The following AUTS2 variants were observed in gnomAD, a reference collection of about 807,000 sequenced individuals.
The protein encoded by AUTS2 is activator of transcription and developmental regulator AUTS2.
In AUTS2, 17 loss-of-function variants were observed where a neutral mutation model predicts 112.4. That is an observed-to-expected ratio of 0.15 (90% CI 0.10 to 0.23). The LOEUF (loss-of-function observed/expected upper bound fraction) is 0.23, where lower values mean the gene tolerates loss of function less well. Among genes scored for constraint, AUTS2 ranks in the 10% least tolerant of loss-of-function variants. The pLI, the probability that AUTS2 is intolerant of heterozygous loss-of-function variation, is 1.00. For synonymous variants in AUTS2, 751 were observed against 702.7 expected (o/e 1.07, Z -1.09); for missense variants, 1,510 against 1,701.6 (o/e 0.89, Z 1.98).
chr7:70,619,646 G>A (rs968535402), intron 5 of AUTS2, among the ~76,000 whole-genome samples: 6 of 151,578 alleles, frequency 4.0e-5, no homozygotes, highest in East Asian at 1.9e-4. Context: ...AGGTGTTGTC[G>A]GGCTGCCATT....
chr7:70,495,993 T>C (rs370163615), intron 5 of AUTS2, among the ~76,000 whole-genome samples: 84 of 39,560 alleles, frequency 2.1e-3, no homozygotes, highest in East Asian at 6.0e-3. Context: ...ACACCACTCA[T>C]ACCACATACA....
At chr7:69,950,512 G>T (rs771787821) in intron 2 of AUTS2, among the ~76,000 whole-genome samples, 2 of 152,150 alleles carry the variant, frequency 1.3e-5, no homozygotes, top group Non-Finnish European at 2.9e-5. Context: ...GGGAGACAGT[G>T]TGTTAAGTTA....
chr7:70,257,570 G>A (rs985134353), intron 4 of AUTS2, among the ~76,000 whole-genome samples: 8 of 151,510 alleles, frequency 5.3e-5, no homozygotes, highest in Middle Eastern at 3.2e-3. Flanking sequence ...CGACCGCCTC[G>A]ACCTGCCAAA....
At chr7:70,649,285 A>G (rs1489365597) in intron 5 of AUTS2, among the ~76,000 whole-genome samples, 1 of 151,738 alleles carries the variant, frequency 6.6e-6, no homozygotes, top group Non-Finnish European at 1.5e-5. Context: ...CTGTGGTCTC[A>G]GCTACTTGGG....
chr7:70,554,069 CTTT>C (rs35888704), intron 5 of AUTS2, among the ~76,000 whole-genome samples: 2 of 98,144 alleles, frequency 2.0e-5, no homozygotes, highest in African/African-American at 3.9e-5. Context: ...TGCACCTGGC[CTTT>C]TTTTTTTTTT....
chr7:70,237,428 T>C (rs1207351862), intron 4 of AUTS2, among the ~76,000 whole-genome samples: 3 of 152,226 alleles, frequency 2.0e-5, no homozygotes, highest in African/African-American at 7.2e-5. Flanking sequence ...TGAGCAATTC[T>C]AGAAACTGAC....
chr7:70,149,118 T>G (rs1235630165), intron 4 of AUTS2, among the ~76,000 whole-genome samples: 2 of 138,844 alleles, frequency 1.4e-5, no homozygotes, highest in Non-Finnish European at 3.2e-5. Context: ...ATTTCTAAGA[T>G]GTTATTACCA....
At position 70,410,398 on chromosome 7, in the gene AUTS2, TTTTATTTATTTATTTA is replaced by T. The variant is rs10631565; in HGVS notation, c.661-25322_661-25307del. 3.2e-3 allele frequency among the ~76,000 whole-genome samples: 449 copies of T among 140,824 alleles called. 5 individuals carry two copies. Among genetic ancestry groups the T allele is most frequent in the African/African-American group, 0.01 (393 of 38,172 alleles). The allele number at this position is 140,824 out of a possible 152,430, so 92.4% of individuals were successfully genotyped here. A position where few individuals can be genotyped will look rare whatever the true frequency, so the allele number is the denominator to read the frequency against. On this transcript the variant is annotated intron_variant, in intron 4 of 18. Transcript: ENST00000342771. ...AGGCTCTGTCTTAGGAGGGTTTGTC[TTTTATTTATTTATTTA>T]TTTATTTATTTATTTATTTATTTAT...
chr7:70,219,573 CTT>C (rs1342047199), intron 4 of AUTS2, among the ~76,000 whole-genome samples: 28 of 137,784 alleles, frequency 2.0e-4, no homozygotes, highest in East Asian at 2.1e-4. Context: ...TTTTCTTTTC[CTT>C]TTTTTTTTTT....
At chr7:70,481,967 A>G (rs987158465) in intron 5 of AUTS2, among the ~76,000 whole-genome samples, 1 of 152,224 alleles carries the variant, frequency 6.6e-6, no homozygotes, top group Non-Finnish European at 1.5e-5. Flanking sequence ...AATAAAATTT[A>G]CAGCTTGATG....
chr7:69,653,157 A>AT (rs1795369831), intron 1 of AUTS2, among the ~76,000 whole-genome samples: 1 of 152,124 alleles, frequency 6.6e-6, no homozygotes, highest in South Asian at 2.1e-4. Flanking sequence ...TTCCTTCTTC[A>AT]TGTGGGCTTG....
Position 69,638,863 on chromosome 7 carries a change from A to G in AUTS2, c.309+38901A>G, listed in dbSNP as rs576502601. On this transcript the variant is annotated intron_variant, in intron 1 of 18. Transcript: ENST00000342771. ...AGGCCCAGGTGCTACCTATCTGCCC[A>G]CTTGTTCTTTGATTGACAGTGGGGC... 7.2e-5 allele frequency among the ~76,000 whole-genome samples: 11 copies of G among 152,346 alleles called. No individual in the cohort carries two copies. The East Asian group carries it at 1.7e-3, about 24-fold the overall frequency.
intron 1 of AUTS2, among the ~76,000 whole-genome samples, chr7:69,642,479 T>A (rs751758526): frequency 3.3e-5 from 5 of 152,236 alleles, no homozygotes; most frequent in Non-Finnish European, 7.3e-5. Flanking sequence ...TGATATATAC[T>A]TTTTGAGTAT....
intron 1 of AUTS2, among the ~76,000 whole-genome samples, chr7:69,879,320 C>CT (rs56852869): frequency 0.25 from 36,181 of 144,532 alleles, 4,515 homozygotes; most frequent in Middle Eastern, 0.34. Flanking sequence ...TTTTTTTTTT[C>CT]TTTTTTTTTT....
At chr7:69,948,429 G>A (rs771363885) in intron 2 of AUTS2, among the ~76,000 whole-genome samples, 79 of 152,278 alleles carry the variant, frequency 5.2e-4, no homozygotes, top group Non-Finnish European at 7.6e-4. Flanking sequence ...CTGCTAGTTA[G>A]AATTAAGCAA....
intron 5 of AUTS2, among the ~76,000 whole-genome samples, chr7:70,648,252 A>G (rs111226849): frequency 3.0e-4 from 45 of 152,104 alleles, no homozygotes; most frequent in African/African-American, 9.6e-4. Flanking sequence ...CCCCTCCACC[A>G]CCAGACTACC....
intron 4 of AUTS2, among the ~76,000 whole-genome samples, chr7:70,167,484 G>A (rs970520073): frequency 1.3e-5 from 2 of 152,132 alleles, no homozygotes; most frequent in Non-Finnish European, 1.5e-5. Flanking sequence ...AGATTTCATT[G>A]CTCATCCCTC....
intron 1 of AUTS2, among the ~76,000 whole-genome samples, chr7:69,724,179 C>T (rs1406730486): frequency 6.6e-6 from 1 of 152,198 alleles, no homozygotes; most frequent in African/African-American, 2.4e-5. Flanking sequence ...GTCACATCCC[C>T]ATGGGGCGAG....
At chr7:69,956,268 TTACAAA>T (rs1797205683) in intron 2 of AUTS2, among the ~76,000 whole-genome samples, 1 of 152,088 alleles carries the variant, frequency 6.6e-6, no homozygotes, top group African/African-American at 2.4e-5. Context: ...CAGCTCACAG[TTACAAA>T]TACAGTTTAT....
Sources: gnomAD v4.1 joint callset for allele counts (sites outside exome capture counted in the v4.1 genomes callset) on GRCh38, gnomAD v4.1.1 for gene constraint, MANE v1.5 for transcripts, NCBI Gene and HGNC (gene_info 2026-07-23, HGNC 2026-07-21) for gene names.